The following SNX13 variants were observed in gnomAD, a reference collection of about 807,000 sequenced individuals.
SNX13 encodes sorting nexin 13, also known as sorting nexin-13.
SNX13 carries 45 observed loss-of-function variants against 133.6 expected under a neutral mutation model. The observed-to-expected ratio is 0.34, with a 90% CI of 0.27 to 0.43. The LOEUF is 0.43. Among genes scored for constraint, SNX13 ranks in the 20% least tolerant of loss-of-function variants. The probability of loss-of-function intolerance (pLI) is 1.00; values close to 1 mark genes in which losing one functional copy is unlikely to be tolerated. For synonymous variants in SNX13, 414 were observed against 373.9 expected (o/e 1.11, Z -1.24); for missense variants, 1,032 against 1,145.1 (o/e 0.90, Z 1.43).
At chr7:17,873,858 T>C (rs891475602) in intron 7 of SNX13, among the ~76,000 whole-genome samples, 3 of 152,190 alleles carry the variant, frequency 2.0e-5, no homozygotes, top group African/African-American at 4.8e-5. Flanking sequence ...TTTTGAATCA[T>C]AAAAAAATTT....
intron 1 of SNX13, among the ~76,000 whole-genome samples, chr7:17,921,327 T>C (rs1800106536): frequency 6.6e-6 from 1 of 152,174 alleles, no homozygotes; most frequent in Admixed American, 6.5e-5. Context: ...CAGTTATCGA[T>C]TCTCTCCTAC....
intron 1 of SNX13, among the ~76,000 whole-genome samples, chr7:17,913,470 T>A (rs1169392945): frequency 1.3e-5 from 2 of 152,176 alleles, no homozygotes; most frequent in African/African-American, 4.8e-5. Context: ...GGTAAGCATG[T>A]GCAGAGTTAA....
At chr7:17,899,319 T>C (rs779565836) in intron 1 of SNX13, 3 of 152,306 alleles carry the variant, frequency 2.0e-5, no homozygotes, top group Middle Eastern at 3.4e-3. Flanking sequence ...CAGTGTTCTA[T>C]AACCTTCTTG....
At chr7:17,872,686 T>C (rs1445057313) in intron 8 of SNX13, among the ~76,000 whole-genome samples, 1 of 152,228 alleles carries the variant, frequency 6.6e-6, no homozygotes, top group Non-Finnish European at 1.5e-5. Context: ...GTATGGCTTA[T>C]AAACAATAAC....
intron 1 of SNX13, among the ~76,000 whole-genome samples, chr7:17,906,196 T>C (rs1562502837): frequency 6.6e-6 from 1 of 152,088 alleles, no homozygotes. Context: ...AATAAACTGA[T>C]ACATGGTTAG....
intron 20 of SNX13, among the ~76,000 whole-genome samples, chr7:17,805,239 GT>G (rs1785078766): frequency 8.5e-6 from 1 of 117,678 alleles, no homozygotes; most frequent in Admixed American, 8.6e-5. Flanking sequence ...GTGTGTGTGT[GT>G]GTGTGTGTGT....
chr7:17,804,172 T>C (rs1583466854), intron 20 of SNX13, among the ~76,000 whole-genome samples: 1 of 152,206 alleles, frequency 6.6e-6, no homozygotes, highest in East Asian at 1.9e-4. Flanking sequence ...ATTAAAGAAA[T>C]TTTGAATAAA....
chr7:17,828,825 G>A (rs1788181575), intron 16 of SNX13, among the ~76,000 whole-genome samples: 1 of 151,370 alleles, frequency 6.6e-6, no homozygotes, highest in African/African-American at 2.4e-5. Flanking sequence ...TTTTACTAGT[G>A]TTTAAACATT....
At chr7:17,801,123 A>C (rs1384559503) in intron 22 of SNX13, among the ~76,000 whole-genome samples, 1 of 148,768 alleles carries the variant, frequency 6.7e-6, no homozygotes, top group East Asian at 2.0e-4. Flanking sequence ...GACATGTACG[A>C]ATGTTCATAG....
intron 9 of SNX13, among the ~76,000 whole-genome samples, chr7:17,859,524 T>C (rs1792360856): frequency 6.6e-6 from 1 of 152,184 alleles, no homozygotes. Flanking sequence ...CATTCTTTTT[T>C]CTACTGTGGT....
Position 17,794,167 on chromosome 7 carries a change from T to C in SNX13, c.2752A>G (p.Thr918Ala). 1 of 1,611,554 alleles carries C rather than the reference T, an allele frequency of 6.2e-7. No individual in the cohort carries two copies. The highest frequency in any genetic ancestry group is 2.2e-5 in the East Asian group (1 of 44,794). Residue 918 changes from threonine (T) to alanine (A), a missense_variant, in exon 26 of 26, where the codon ACC becomes GCC. Coordinates refer to ENST00000428135, the MANE Select transcript of SNX13 (RefSeq NM_015132.5). The stretch of plus-strand genomic sequence containing the variant: ...CGGAATTTATACTGTGGAAATAAGG[T>C]TTCTAAAAAGCCTTCCAAGAAGACA... ...VYVFLEGFLE[T>A]LFPQYKFREL...
At chr7:17,810,842 G>C (rs1445991518) in intron 20 of SNX13, among the ~76,000 whole-genome samples, 5 of 152,150 alleles carry the variant, frequency 3.3e-5, no homozygotes, top group Non-Finnish European at 7.3e-5. Context: ...TGCAAGGCTG[G>C]TTCAACATAC....
intron 20 of SNX13, among the ~76,000 whole-genome samples, chr7:17,808,628 A>G (rs546242167): frequency 6.6e-6 from 1 of 152,318 alleles, no homozygotes; most frequent in Non-Finnish European, 1.5e-5. Flanking sequence ...CTCCTCAAGG[A>G]GAGCAACTCC....
chr7:17,856,934 A>G (rs1023037611), intron 9 of SNX13, among the ~76,000 whole-genome samples: 3 of 152,018 alleles, frequency 2.0e-5, no homozygotes, highest in African/African-American at 4.8e-5. Flanking sequence ...TAAGAAAACA[A>G]TACAAAAGAT....
chr7:17,876,631 TA>T (rs1479872897), intron 5 of SNX13, among the ~76,000 whole-genome samples: 4 of 146,926 alleles, frequency 2.7e-5, no homozygotes, highest in South Asian at 4.3e-4. Context: ...GGAAATGGTA[TA>T]AAGAATGATA....
At chr7:17,880,757 T>C (rs897541963) in intron 5 of SNX13, 5 of 152,172 alleles carry the variant, frequency 3.3e-5, no homozygotes, top group African/African-American at 9.7e-5. Flanking sequence ...CATTTCAAAA[T>C]CAGCTTAAAA....
intron 9 of SNX13, among the ~76,000 whole-genome samples, chr7:17,859,228 G>A (rs1792316959): frequency 1.3e-5 from 2 of 151,912 alleles, no homozygotes; most frequent in African/African-American, 4.8e-5. Context: ...AATATACGAA[G>A]CATTCTTACA....
At chr7:17,841,083 T>C (rs1001034894) in intron 12 of SNX13, among the ~76,000 whole-genome samples, 1 of 152,066 alleles carries the variant, frequency 6.6e-6, no homozygotes, top group Non-Finnish European at 1.5e-5. Flanking sequence ...AAACAACTTG[T>C]CCTTCAAATA....
At chr7:17,814,456 C>T (rs1188033597) in intron 20 of SNX13, among the ~76,000 whole-genome samples, 1 of 151,800 alleles carries the variant, frequency 6.6e-6, no homozygotes, top group Non-Finnish European at 1.5e-5. Flanking sequence ...TGATTTTATT[C>T]AAAAGGCATA....
Sources: gnomAD v4.1 joint callset for allele counts (sites outside exome capture counted in the v4.1 genomes callset) on GRCh38, gnomAD v4.1.1 for gene constraint, MANE v1.5 for transcripts, NCBI Gene and HGNC (gene_info 2026-07-23, HGNC 2026-07-21) for gene names.